CTNNA3: variants seen among roughly 807,000 people sequenced by gnomAD.
CTNNA3 encodes catenin alpha 3.
CTNNA3 carries 76 observed loss-of-function variants against 95.7 expected under a neutral mutation model. The ratio of observed to expected loss-of-function variants is 0.79; its 90% confidence interval spans 0.66 to 0.96. CTNNA3 has a LOEUF of 0.96. Ranked by LOEUF, CTNNA3 falls within the 40% of genes least tolerant of loss-of-function variation. The probability of loss-of-function intolerance (pLI) is 0.00; values close to 1 mark genes in which losing one functional copy is unlikely to be tolerated. For missense variants in CTNNA3, 1,191 were observed against 1,089.8 expected, an observed-to-expected ratio of 1.09 and a Z score of -1.31; for synonymous variants, 431 against 374.4, an observed-to-expected ratio of 1.15 and a Z score of -1.74.
intron 11 of CTNNA3, among the ~76,000 whole-genome samples, chr10:66,466,506 C>A (rs1298017490): frequency 6.6e-6 from 1 of 151,944 alleles, no homozygotes; most frequent in Non-Finnish European, 1.5e-5. Flanking sequence ...CTGCTGGAGA[C>A]CCCTCTGACT....
chr10:67,097,734 C>G (rs141660931), intron 7 of CTNNA3: 1 of 1,612,646 alleles, frequency 6.2e-7, no homozygotes, highest in African/African-American at 1.3e-5. Context: ...AGAGACTGAG[C>G]TGGACCTGAG....
At chr10:66,078,142 T>C (rs971432236) in intron 14 of CTNNA3, among the ~76,000 whole-genome samples, 5 of 151,920 alleles carry the variant, frequency 3.3e-5, no homozygotes, top group Non-Finnish European at 7.4e-5. Context: ...GAGGTAGTTA[T>C]TAGAAAATCT....
intron 2 of CTNNA3, among the ~76,000 whole-genome samples, chr10:67,618,245 A>C (rs1169528949): frequency 6.6e-6 from 1 of 152,152 alleles, no homozygotes; most frequent in Non-Finnish European, 1.5e-5. Context: ...ACCAAAGAAG[A>C]CTCTAAAATA....
At chr10:67,182,745 A>G (rs1262906638) in intron 6 of CTNNA3, among the ~76,000 whole-genome samples, 3 of 152,344 alleles carry the variant, frequency 2.0e-5, no homozygotes, top group Middle Eastern at 3.4e-3. Context: ...ATCAGAGTGA[A>G]CAGGCAACCT....
At chr10:67,747,295 A>G (rs1481274312) in intron 1 of CTNNA3, among the ~76,000 whole-genome samples, 1 of 152,160 alleles carries the variant, frequency 6.6e-6, no homozygotes, top group African/African-American at 2.4e-5. Context: ...GTGCTTTATT[A>G]AGTGGGTCCT....
chr10:66,460,186 T>C (rs973008844), intron 11 of CTNNA3, among the ~76,000 whole-genome samples: 9 of 152,190 alleles, frequency 5.9e-5, no homozygotes, highest in African/African-American at 1.4e-4. Flanking sequence ...CTTTTATGCT[T>C]AGTTTAATAG....
At chr10:66,131,440 A>T (rs951006382) in intron 13 of CTNNA3, among the ~76,000 whole-genome samples, 1 of 152,240 alleles carries the variant, frequency 6.6e-6, no homozygotes. Context: ...GAACTAATGA[A>T]GAAAACATTC....
chr10:66,961,951 C>G (rs1849131080), intron 7 of CTNNA3, among the ~76,000 whole-genome samples: 1 of 152,140 alleles, frequency 6.6e-6, no homozygotes, highest in African/African-American at 2.4e-5. Context: ...CAACTCATCA[C>G]TAAATTCTAT....
intron 7 of CTNNA3, among the ~76,000 whole-genome samples, chr10:67,157,610 A>G (rs1409305180): frequency 2.0e-5 from 3 of 152,214 alleles, no homozygotes; most frequent in East Asian, 1.9e-4. Flanking sequence ...CAGACTTTCT[A>G]TGATGAACTA....
intron 12 of CTNNA3, among the ~76,000 whole-genome samples, chr10:66,324,492 G>A (rs2092229584): frequency 6.6e-6 from 1 of 152,154 alleles, no homozygotes; most frequent in African/African-American, 2.4e-5. Flanking sequence ...TTAAAGCCAT[G>A]TGCAGACAGC....
intron 5 of CTNNA3, among the ~76,000 whole-genome samples, chr10:67,262,425 T>C (rs996262109): frequency 3.3e-5 from 5 of 152,016 alleles, no homozygotes; most frequent in Admixed American, 3.3e-4. Context: ...AATGCAGAGT[T>C]TGAAAGGGGA....
At chr10:66,913,561 G>A (rs1302980776) in intron 7 of CTNNA3, among the ~76,000 whole-genome samples, 1 of 152,134 alleles carries the variant, frequency 6.6e-6, no homozygotes, top group Non-Finnish European at 1.5e-5. Flanking sequence ...TACAAATGAG[G>A]ATAGAGAAAA....
intron 5 of CTNNA3, among the ~76,000 whole-genome samples, chr10:67,463,408 C>T (rs1458223105): frequency 6.6e-6 from 1 of 152,018 alleles, no homozygotes; most frequent in South Asian, 2.1e-4. Context: ...GACCCTACAC[C>T]CAAAGACCAT....
At chr10:66,566,100 C>T (rs188024434) in intron 10 of CTNNA3, among the ~76,000 whole-genome samples, 2 of 152,168 alleles carry the variant, frequency 1.3e-5, no homozygotes, top group African/African-American at 4.8e-5. Flanking sequence ...AAAACATAAT[C>T]GGGGCTGTTT....
rs1208814135 is a variant in CTNNA3, at chr10:66,766,287, C to G, written c.1258G>C (p.Glu420Gln). The change falls in exon 9 of 18, where the codon GAA (glutamate) becomes CAA (glutamine). Residue 420 changes from glutamate (E) to glutamine (Q), a missense_variant. Glu to Gln is a conservative substitution (Grantham distance 29). Transcript: ENST00000433211. Reference sequence around the variant, plus strand: ...ACCTCTACAAGCCTGCTGGTGTGTTCATGAAATATCGCAGCATATTCTTTT... The same window carrying G: ...ACCTCTACAAGCCTGCTGGTGTGTTGATGAAATATCGCAGCATATTCTTTT... ...EIKEYAAIFH[E>Q]HTSRLVEVAN... 5.6e-6 allele frequency: 9 copies of G among 1,613,864 alleles called. No homozygotes were observed. Among genetic ancestry groups the G allele is most frequent in the Admixed American group, 3.3e-5 (2 of 59,998 alleles).
chr10:66,620,402 G>A (rs1260416755), intron 10 of CTNNA3, among the ~76,000 whole-genome samples: 34 of 152,136 alleles, frequency 2.2e-4, no homozygotes, highest in Non-Finnish European at 7.4e-5. Context: ...GCAAGTCACC[G>A]AATTAGAAAG....
intron 11 of CTNNA3, among the ~76,000 whole-genome samples, chr10:66,385,964 G>A (rs972836867): frequency 1.3e-5 from 2 of 152,240 alleles, no homozygotes; most frequent in Non-Finnish European, 2.9e-5. Flanking sequence ...AGCTATTTAT[G>A]ACAAACCCAC....
At chr10:67,500,743 T>G (rs1192197674) in intron 5 of CTNNA3, among the ~76,000 whole-genome samples, 1 of 152,234 alleles carries the variant, frequency 6.6e-6, no homozygotes, top group Non-Finnish European at 1.5e-5. Context: ...AGACTAGGAT[T>G]GCAAACCCTG....
At chr10:65,971,278 C>T (rs888466497) in intron 16 of CTNNA3, among the ~76,000 whole-genome samples, 11 of 150,824 alleles carry the variant, frequency 7.3e-5, no homozygotes, top group Non-Finnish European at 1.0e-4. Flanking sequence ...ATAAACCAAC[C>T]CAAAAGTTAG....
Sources: allele counts gnomAD v4.1 joint callset (sites outside exome capture counted in the v4.1 genomes callset), GRCh38; gene constraint gnomAD v4.1.1; transcripts MANE v1.5; gene names NCBI Gene and HGNC (gene_info 2026-07-23, HGNC 2026-07-21).